GPHN: variants seen among roughly 807,000 people sequenced by gnomAD.
GPHN encodes the protein gephyrin.
Under a neutral mutation model 95.5 loss-of-function variants are expected in GPHN, and 17 were observed. That is an observed-to-expected ratio of 0.18 (90% CI 0.12 to 0.27). The LOEUF (loss-of-function observed/expected upper bound fraction) is 0.27. Ranked by LOEUF, GPHN falls within the 10% of genes least tolerant of loss-of-function variation. GPHN has a pLI of 1.00. For missense variants in GPHN, 660 were observed against 978.1 expected (o/e 0.67, Z 4.34); for synonymous variants, 320 against 322.5 (o/e 0.99, Z 0.08).
chr14:66,660,235 T>G (rs1455691940), intron 1 of GPHN, among the ~76,000 whole-genome samples: 1 of 152,162 alleles, frequency 6.6e-6, no homozygotes, highest in Non-Finnish European at 1.5e-5. Flanking sequence ...TAGACTCACA[T>G]TAGACAGTGA....
chr14:67,342,317 T>A, the GPHN span, among the ~76,000 whole-genome samples: 1 of 151,872 alleles, frequency 6.6e-6, no homozygotes, highest in Non-Finnish European at 1.5e-5. Context: ...ACCCTTCTAG[T>A]GTCTTTTCTA....
Position 66,824,890 on chromosome 14 carries a change from G to A in GPHN, c.294+324G>A, listed in dbSNP as rs113694283. Among the ~76,000 whole-genome samples, 471 of 152,212 alleles carry A rather than the reference G, an allele frequency of 3.1e-3. 11 individuals are homozygous for A. Among genetic ancestry groups the A allele is most frequent in the African/African-American group, 0.011 (446 of 41,546 alleles). The stretch of plus-strand genomic sequence containing the variant: ...AATTCTGATGGTTAGCATGGCATCT[G>A]GTCTGATGTGCTTTGTCAATACAAT... On this transcript the variant is annotated intron_variant, in intron 4 of 22. Transcript: ENST00000478722.
chr14:66,957,226 C>T (rs1427603566), intron 8 of GPHN, among the ~76,000 whole-genome samples: 5 of 106,918 alleles, frequency 4.7e-5, no homozygotes, highest in Admixed American at 2.8e-4. Flanking sequence ...GATGGGGTCT[C>T]GCTCTGTCTC....
At chr14:66,550,688 G>A (rs2059776462) in intron 1 of GPHN, among the ~76,000 whole-genome samples, 1 of 152,110 alleles carries the variant, frequency 6.6e-6, no homozygotes, top group Admixed American at 6.6e-5. Flanking sequence ...ACTTCATTGT[G>A]GTTTTATTTT....
chr14:67,290,218 A>G, the GPHN span, among the ~76,000 whole-genome samples: 5 of 152,186 alleles, frequency 3.3e-5, no homozygotes, highest in African/African-American at 1.2e-4. Context: ...AATGGGAGGT[A>G]ACGAAAAAAG....
the GPHN span, chr14:67,621,018 C>T: frequency 1.3e-6 from 2 of 1,547,864 alleles, no homozygotes. Flanking sequence ...TAGACCACTT[C>T]AGAGTCTTTT....
intron 13 of GPHN, among the ~76,000 whole-genome samples, chr14:67,102,622 T>C (rs2077776158): frequency 6.6e-6 from 1 of 151,670 alleles, no homozygotes; most frequent in Non-Finnish European, 1.5e-5. Context: ...ATCTCACCAC[T>C]GCACTCCAGC....
intron 12 of GPHN, among the ~76,000 whole-genome samples, chr14:67,096,755 G>A (rs1453694391): frequency 2.5e-5 from 3 of 122,438 alleles, no homozygotes; most frequent in Non-Finnish European, 4.8e-5. Context: ...AGCCTCCCAA[G>A]TAGCTAGACT....
At chr14:67,419,042 C>T in the GPHN span, among the ~76,000 whole-genome samples, 1 of 151,984 alleles carries the variant, frequency 6.6e-6, no homozygotes, top group African/African-American at 2.4e-5. Context: ...TCAGGGCCAT[C>T]AGGGCTGGGG....
chr14:66,648,906 A>T (rs1161458247), intron 1 of GPHN, among the ~76,000 whole-genome samples: 3 of 152,196 alleles, frequency 2.0e-5, no homozygotes, highest in African/African-American at 4.8e-5. Flanking sequence ...TCACCTAAGG[A>T]GACTCAGGAG....
intron 1 of GPHN, among the ~76,000 whole-genome samples, chr14:66,653,502 T>C (rs1191053005): frequency 6.6e-6 from 1 of 152,162 alleles, no homozygotes; most frequent in African/African-American, 2.4e-5. Flanking sequence ...AATCAGGAGT[T>C]TGACACTGAC....
the GPHN span, among the ~76,000 whole-genome samples, chr14:67,295,186 G>C: frequency 6.6e-6 from 1 of 151,118 alleles, no homozygotes; most frequent in Admixed American, 6.6e-5. Flanking sequence ...TTGTTGGCTG[G>C]GTGCGGTCTG....
the GPHN span, among the ~76,000 whole-genome samples, chr14:67,234,972 A>G: frequency 3.4e-5 from 5 of 147,238 alleles, no homozygotes; most frequent in African/African-American, 4.9e-5. Flanking sequence ...CCTGGCCAAC[A>G]TGGCAAAACC....
chr14:66,974,240 A>G (rs1352049462), intron 9 of GPHN, among the ~76,000 whole-genome samples: 1 of 152,232 alleles, frequency 6.6e-6, no homozygotes, highest in African/African-American at 2.4e-5. Flanking sequence ...TGAAACTAAA[A>G]TTACACAATA....
At chr14:66,748,606 C>T (rs2058251951) in intron 2 of GPHN, among the ~76,000 whole-genome samples, 2 of 151,882 alleles carry the variant, frequency 1.3e-5, no homozygotes, top group African/African-American at 2.4e-5. Context: ...TGTATTATGG[C>T]ACCATTATAC....
chr14:67,173,480 A>AG (rs2082715506), intron 21 of GPHN, among the ~76,000 whole-genome samples: 1 of 152,168 alleles, frequency 6.6e-6, no homozygotes, highest in Admixed American at 6.5e-5. Flanking sequence ...AAGATGCTGC[A>AG]TGGAAACTAT....
the GPHN span, among the ~76,000 whole-genome samples, chr14:67,388,678 G>T: frequency 1.3e-5 from 2 of 152,198 alleles, no homozygotes; most frequent in Non-Finnish European, 2.9e-5. Flanking sequence ...TATATTTATA[G>T]TAATCATTTC....
chr14:67,309,527 G>A, the GPHN span, among the ~76,000 whole-genome samples: 2 of 152,144 alleles, frequency 1.3e-5, no homozygotes, highest in Non-Finnish European at 2.9e-5. Flanking sequence ...TCTCTTCCCA[G>A]CCTACACAAA....
the GPHN span, among the ~76,000 whole-genome samples, chr14:67,382,947 A>G: frequency 2.0e-5 from 3 of 151,926 alleles, no homozygotes; most frequent in African/African-American, 7.3e-5. Flanking sequence ...CTTCTATGGA[A>G]AGGACTAGTA....
Sources: gnomAD v4.1 joint callset for allele counts (sites outside exome capture counted in the v4.1 genomes callset) on GRCh38, gnomAD v4.1.1 for gene constraint, MANE v1.5 for transcripts, NCBI Gene and HGNC (gene_info 2026-07-23, HGNC 2026-07-21) for gene names.